Variants in SLC19A1 observed in about 807,000 individuals in gnomAD.
SLC19A1 encodes solute carrier family 19 member 1.
Under a neutral mutation model 35.3 loss-of-function variants are expected in SLC19A1, and 37 were observed. The observed-to-expected ratio is 1.05, with a 90% CI of 0.81 to 1.38. The LOEUF (loss-of-function observed/expected upper bound fraction) is 1.38. Among genes scored for constraint, SLC19A1 ranks in the 40% most tolerant of loss-of-function variants. SLC19A1 has a pLI of 0.00. For missense variants in SLC19A1, 831 were observed against 826.9 expected (o/e 1.00, Z -0.06); for synonymous variants, 460 against 398.5 (o/e 1.15, Z -1.84).
intron 3 of SLC19A1, 32 bp from the exon 4 acceptor site, chr21:45,531,003 C>T: frequency 7.2e-7 from 1 of 1,391,692 alleles, no homozygotes; most frequent in East Asian, 2.9e-5. Flanking sequence ...GTTGCAGCGG[C>T]CCTGGGGGGC....
In SLC19A1 at chr21:45,530,676, TG is replaced by T; in HGVS notation, c.1151+93del. 1 of 1,334,462 alleles carries T rather than the reference TG, an allele frequency of 7.5e-7. No homozygotes were observed. Among genetic ancestry groups the T allele is most frequent in the Non-Finnish European group, 1.0e-6 (1 of 973,718 alleles). 82.7% of individuals were successfully genotyped at this position (1,334,462 alleles called of 1,614,324 possible). A position where few individuals can be genotyped will look rare whatever the true frequency, so the allele number is the denominator to read the frequency against. On this transcript the variant is annotated intron_variant, in intron 4 of 5. Transcript: ENST00000311124. This position sits in a 1 kb window ranked among gnomAD's most constrained non-coding sequence, Gnocchi z 5.3. Reference sequence around the variant, plus strand: ...GCGGGGCCAGCAGTGGCACAGCCGCTGGGGCGCAGCAGGAAGGTGGGAGCAC... The same window carrying T: ...GCGGGGCCAGCAGTGGCACAGCCGCTGGGCGCAGCAGGAAGGTGGGAGCAC...
downstream of SLC19A1, among the ~76,000 whole-genome samples, chr21:45,508,440 TAAGTGGGTGAGTGGATGGGTGGATGGAC>T (rs1459658207): frequency 2.6e-5 from 3 of 113,426 alleles, no homozygotes; most frequent in African/African-American, 1.2e-4. Context: ...GGATGGTGGG[TAAGTGGGTGAGTGGATGGGTGGATGGAC>T]AGGTGGGTGA....
Position 45,532,077 on chromosome 21 carries a change from G to A in SLC19A1, c.261C>T (p.Thr87=), listed in dbSNP as rs376984868. Residue 87 remains threonine (T), a synonymous_variant, in exon 3 of 6, where the codon ACC becomes ACT. Transcript: ENST00000311124. ...GCACCGGCGTGTAGCGCAGGTAGTCGGTGAGCAGGAACACGGGCACCAGCA... is the reference window on the plus strand; with the variant it reads ...GCACCGGCGTGTAGCGCAGGTAGTCAGTGAGCAGGAACACGGGCACCAGCA... ...LAVLVPVFLL[T]DYLRYTPVLL... is the part of the protein sequence containing the mutation. The A allele has an allele frequency of 1.5e-4, 238 of 1,612,282 alleles. No individual in the cohort carries two copies. The highest frequency in any genetic ancestry group is 6.7e-5 in the Non-Finnish European group (79 of 1,179,554).
chr21:45,531,907 A>T lies in SLC19A1; in HGVS notation c.431T>A (p.Val144Glu). ...IAYSSYIFSL[V>E]RPARYQRVAG... ...CACACGCTGGTAGCGCGCGGGCCGC[A>T]CGAGAGAGAAGATGTAGGAGGAATA... Residue 144 changes from valine to glutamate, a missense_variant, in exon 3 of 6, where the codon GTG becomes GAG. Val to Glu is a moderately radical substitution (Grantham distance 121). Transcript: ENST00000311124. 1 of 1,592,554 alleles carries T rather than the reference A, an allele frequency of 6.3e-7. No homozygotes were observed. Among genetic ancestry groups the T allele is most frequent in the Non-Finnish European group, 8.5e-7 (1 of 1,170,346 alleles).
At chr21:45,508,352 AAGTGGGTG>A (rs748951660), downstream of SLC19A1, among the ~76,000 whole-genome samples, 2 of 147,550 alleles carry the variant, frequency 1.4e-5, no homozygotes, top group Non-Finnish European at 3.0e-5. Context: ...GATGGTGGAC[AAGTGGGTG>A]AGTGGATGGG....
intron 3 of SLC19A1, chr21:45,504,491 T>C: frequency 6.4e-7 from 1 of 1,565,830 alleles, no homozygotes. Flanking sequence ...TTTCTTCGGC[T>C]CCAGCCTGCC....
downstream of SLC19A1, chr21:45,511,166 T>G (rs766085368): frequency 1.4e-5 from 22 of 1,601,750 alleles, no homozygotes; most frequent in Non-Finnish European, 1.7e-5. Context: ...GAGGGTCCGC[T>G]GAAGCCCGGG....
At chr21:45,547,586 G>T (rs565031215), upstream of SLC19A1, among the ~76,000 whole-genome samples, 51 of 152,176 alleles carry the variant, frequency 3.4e-4, no homozygotes, top group Middle Eastern at 3.4e-3. Context: ...CCTTTCTATT[G>T]ATAATAACTC....
Position 45,532,090 on chromosome 21 carries a change from A to G in SLC19A1, c.248T>C (p.Val83Ala), listed in dbSNP as rs1431775971. The G allele has an allele frequency of 6.2e-7, 1 of 1,612,058 alleles. No homozygotes were observed. Among genetic ancestry groups the G allele is most frequent in the Admixed American group, 1.7e-5 (1 of 59,960 alleles). ...GCGCAGGTAGTCGGTGAGCAGGAAC[A>G]CGGGCACCAGCACGGCCAGGTAGGA... ...SYSYLAVLVP[V>A]FLLTDYLRYT... The change falls in exon 3 of 6, where the codon GTG becomes GCG. Residue 83 changes from valine (V) to alanine (A), a missense_variant. Coordinates refer to ENST00000311124, the MANE Select transcript of SLC19A1 (RefSeq NM_194255.4).
At chr21:45,552,734 A>C (rs1242031933) in intron 1 of SLC19A1, among the ~76,000 whole-genome samples, 1 of 152,070 alleles carries the variant, frequency 6.6e-6, no homozygotes, top group Non-Finnish European at 1.5e-5. Context: ...GGTGTGTCCC[A>C]GACCCCTAAT....
chr21:45,557,165 C>G (rs914157601), intron 1 of SLC19A1, among the ~76,000 whole-genome samples: 1 of 152,202 alleles, frequency 6.6e-6, no homozygotes. Flanking sequence ...TCAGGAAGAA[C>G]GGAGCTGGAG....
In SLC19A1 at chr21:45,540,010, G is replaced by T. The variant is rs956637975; in HGVS notation, c.-49-2002C>A. Among the ~76,000 whole-genome samples the T allele has an allele frequency of 6.6e-6, 1 of 152,152 alleles. No homozygotes were observed. Among genetic ancestry groups the T allele is most frequent in the Non-Finnish European group, 1.5e-5 (1 of 68,014 alleles). Reference sequence around the variant, plus strand: ...CAGGCAGGAGGAAGCGCAGGCAGGGGCCACTGCCAGGCCGAGGCAGATCTG... The same window carrying T: ...CAGGCAGGAGGAAGCGCAGGCAGGGTCCACTGCCAGGCCGAGGCAGATCTG... On this transcript the variant is annotated intron_variant, in intron 1 of 5. Coordinates refer to ENST00000311124, the MANE Select transcript of SLC19A1 (RefSeq NM_194255.4). The surrounding 1 kb of genome is among the most constrained non-coding windows in gnomAD (Gnocchi z 5.5).
At chr21:45,518,790 A>G (rs1365997829) in intron 5 of SLC19A1, among the ~76,000 whole-genome samples, 1 of 152,234 alleles carries the variant, frequency 6.6e-6, no homozygotes, top group East Asian at 1.9e-4. Flanking sequence ...AGAGCAATCA[A>G]GACACTCACA....
Position 45,534,637 on chromosome 21 carries a change from G to A in SLC19A1, c.190-2489C>T. The A allele has an allele frequency of 6.5e-7, 1 of 1,532,342 alleles. No individual in the cohort carries two copies. Among genetic ancestry groups the A allele is most frequent in the Non-Finnish European group, 8.7e-7 (1 of 1,144,018 alleles). The allele number at this position is 1,532,342 out of a possible 1,614,324, so 94.9% of individuals were successfully genotyped here. On this transcript the variant is annotated intron_variant, in intron 2 of 5. Coordinates refer to ENST00000311124, the MANE Select transcript of SLC19A1 (RefSeq NM_194255.4). The surrounding 1 kb of genome is among the most constrained non-coding windows in gnomAD (Gnocchi z 4.2). Reference sequence around the variant, plus strand: ...ACCTCCTGGTCTTAGTTGAGGGTCTGAGCGCAGAGCTCCCCCTTGGCAGCC... The same window carrying A: ...ACCTCCTGGTCTTAGTTGAGGGTCTAAGCGCAGAGCTCCCCCTTGGCAGCC...
At chr21:45,506,370 T>G in intron 3 of SLC19A1, 1 of 351,508 alleles carries the variant, frequency 2.8e-6, no homozygotes. Flanking sequence ...GGCTGTCCCG[T>G]GGCTCTGCAC....
Position 45,562,288 on chromosome 21 carries a change from T to C in SLC19A1, c.-50+454A>G, listed in dbSNP as rs531234625. On this transcript the variant is annotated intron_variant, in intron 1 of 5. Transcript: ENST00000650808. ...AGACAACACTCACCACACAGGTGCA[T>C]CACACTGACACGACACCACACGCAT... 2.6e-5 allele frequency among the ~76,000 whole-genome samples: 4 copies of C among 152,218 alleles called. No individual in the cohort carries two copies. In the East Asian group the frequency reaches 7.7e-4, roughly 29 times the overall value.
At chr21:45,545,791 C>T (rs1408801961), upstream of SLC19A1, among the ~76,000 whole-genome samples, 1 of 152,202 alleles carries the variant, frequency 6.6e-6, no homozygotes, top group Non-Finnish European at 1.5e-5. Context: ...CACATGGCCT[C>T]AGCCAGTTTT....
chr21:45,515,163 TAA>T lies in SLC19A1; in HGVS notation c.*493_*494del, dbSNP rs11284347. Reference sequence around the variant, plus strand: ...ATGCAGTTCTTCATTCTACGTCAGTTAAAAAAAAAAAAAGCATCTTTCAAAAA... The same window carrying T: ...ATGCAGTTCTTCATTCTACGTCAGTTAAAAAAAAAAAGCATCTTTCAAAAA... On this transcript the variant is annotated 3_prime_UTR_variant, in exon 6 of 6. Transcript: ENST00000311124. 0.05 allele frequency: 66,926 copies of T among 1,339,070 alleles called. No individual in the cohort carries two copies. The highest frequency in any genetic ancestry group is 0.11 in the East Asian group (3,610 of 34,292). 82.9% of individuals were successfully genotyped at this position (1,339,070 alleles called of 1,614,324 possible).
At chr21:45,511,166 T>C (rs766085368), downstream of SLC19A1, 47 of 1,601,634 alleles carry the variant, frequency 2.9e-5, no homozygotes, top group Non-Finnish European at 3.7e-5. Context: ...GAGGGTCCGC[T>C]GAAGCCCGGG....
Sources: gnomAD v4.1 joint callset for allele counts (sites outside exome capture counted in the v4.1 genomes callset) on GRCh38, gnomAD v4.1.1 for gene constraint, Gnocchi (gnomAD v3.1) non-coding constraint, MANE v1.5 for transcripts, NCBI Gene and HGNC (gene_info 2026-07-23, HGNC 2026-07-21) for gene names.